The following CABLES1 variants were observed in gnomAD, a reference collection of about 807,000 sequenced individuals.
The protein encoded by CABLES1 is Cdk5 and Abl enzyme substrate 1.
CABLES1 carries 36 observed loss-of-function variants against 57.8 expected under a neutral mutation model. The observed-to-expected ratio is 0.62, with a 90% CI of 0.48 to 0.82. The LOEUF (loss-of-function observed/expected upper bound fraction) is 0.82. Among genes scored for constraint, CABLES1 ranks in the 40% least tolerant of loss-of-function variants. The probability of loss-of-function intolerance (pLI) is 0.00; values close to 1 mark genes in which losing one functional copy is unlikely to be tolerated. For synonymous variants in CABLES1, 374 were observed against 363.0 expected, an observed-to-expected ratio of 1.03 and a Z score of -0.35; for missense variants, 767 against 836.6, an observed-to-expected ratio of 0.92 and a Z score of 1.03.
chr18:23,199,929 G>A (rs144396535), intron 3 of CABLES1, among the ~76,000 whole-genome samples: 125 of 152,262 alleles, frequency 8.2e-4, no homozygotes, highest in African/African-American at 2.9e-3. Context: ...AAGCAGAAGG[G>A]AAAGGATGGC....
At chr18:23,220,877 G>T (rs1055613342) in intron 4 of CABLES1, among the ~76,000 whole-genome samples, 1 of 152,138 alleles carries the variant, frequency 6.6e-6, no homozygotes, top group Admixed American at 6.5e-5. Context: ...GATATTTGTC[G>T]TCTTTAGAAT....
chr18:23,194,515 C>T lies in CABLES1; in HGVS notation c.985C>T (p.Arg329Trp), dbSNP rs746579340. Reference sequence around the variant, plus strand: ...GAAGATTCATTTTATCAAGAACATGCGGCAACACGATACCAGGAATGGCAG... The same window carrying T: ...GAAGATTCATTTTATCAAGAACATGTGGCAACACGATACCAGGAATGGCAG... ...FKKIHFIKNMRQHDTRNGRIV... is the reference protein window; with the variant it reads ...FKKIHFIKNMWQHDTRNGRIV... Residue 329 changes from arginine (R) to tryptophan (W), a missense_variant, in exon 3 of 10, where the codon CGG becomes TGG. By Grantham distance (101) the Arg-to-Trp change is moderately radical. This residue lies in a region of CABLES1 where 529 missense variants were observed against 622.8 expected (regional missense o/e 0.85). Coordinates refer to ENST00000256925, the MANE Select transcript of CABLES1 (RefSeq NM_001100619.3). 135 of 1,611,836 alleles carry T rather than the reference C, an allele frequency of 8.4e-5. No individual in the cohort carries two copies. Among genetic ancestry groups the T allele is most frequent in the Non-Finnish European group, 1.1e-4 (125 of 1,177,944 alleles).
At chr18:23,240,610 T>C (rs1243130491) in intron 7 of CABLES1, among the ~76,000 whole-genome samples, 1 of 152,216 alleles carries the variant, frequency 6.6e-6, no homozygotes, top group African/African-American at 2.4e-5. Flanking sequence ...GCTCAGTGAT[T>C]GGGGAAGGAG....
At chr18:23,192,799 T>G (rs2047254347) in intron 2 of CABLES1, among the ~76,000 whole-genome samples, 1 of 152,152 alleles carries the variant, frequency 6.6e-6, no homozygotes, top group African/African-American at 2.4e-5. Context: ...GAGCAGTCAT[T>G]CTGGAGGAAG....
intron 1 of CABLES1, among the ~76,000 whole-genome samples, chr18:23,138,647 C>G (rs917285559): frequency 4.6e-5 from 7 of 152,174 alleles, no homozygotes; most frequent in African/African-American, 1.7e-4. Flanking sequence ...AGAGTACTTG[C>G]ACCTGCCTAG....
chr18:23,196,216 G>C (rs918389815), intron 3 of CABLES1, among the ~76,000 whole-genome samples: 2 of 152,220 alleles, frequency 1.3e-5, no homozygotes, highest in Non-Finnish European at 2.9e-5. Flanking sequence ...GGAGTTTTCA[G>C]GGGGAGCCAA....
At chr18:23,173,504 CAGG>C (rs1430339024) in intron 1 of CABLES1, among the ~76,000 whole-genome samples, 1 of 152,210 alleles carries the variant, frequency 6.6e-6, no homozygotes, top group Non-Finnish European at 1.5e-5. Context: ...AAGGGCTTAG[CAGG>C]TCTAAAAACA....
At chr18:23,218,141 G>T (rs546276439) in intron 4 of CABLES1, among the ~76,000 whole-genome samples, 9 of 152,318 alleles carry the variant, frequency 5.9e-5, no homozygotes, top group African/African-American at 1.9e-4. Flanking sequence ...CTCGTAGTTC[G>T]TCTGCTGGGT....
Position 23,234,613 on chromosome 18 carries a change from T to G in CABLES1, c.1094T>G (p.Leu365Trp). The G allele has an allele frequency of 3.1e-6, 5 of 1,613,508 alleles. No homozygotes were observed. Among genetic ancestry groups the G allele is most frequent in the Non-Finnish European group, 4.2e-6 (5 of 1,179,464 alleles). Reference sequence around the variant, plus strand: ...CCTCTGACTTGTCCTCCCAGGGACTTGAAGTTGGACGGAGGAAGACAATCA... The same window carrying G: ...CCTCTGACTTGTCCTCCCAGGGACTGGAAGTTGGACGGAGGAAGACAATCA... ...PYRDSTQVGD[L>W]KLDGGRQSTG... Residue 365 changes from leucine to tryptophan, a missense_variant, in exon 5 of 10, where the codon TTG becomes TGG. Leu to Trp is a moderately conservative substitution (Grantham distance 61). Transcript: ENST00000256925.
Position 23,230,100 on chromosome 18 carries a change from G to A in CABLES1, c.1089-4508G>A, listed in dbSNP as rs11874312. Among the ~76,000 whole-genome samples, 481 of 152,308 alleles carry A rather than the reference G, an allele frequency of 3.2e-3. 2 individuals carry two copies. Among genetic ancestry groups the A allele is most frequent in the African/African-American group, 0.011 (461 of 41,566 alleles). On this transcript the variant is annotated intron_variant, in intron 4 of 9. Transcript: ENST00000256925. ...TAAAAAGCTATGAGAAGGGCCAGGC[G>A]CGGTGGCTCACACCTGTAATCCCAG...
intron 9 of CABLES1, among the ~76,000 whole-genome samples, chr18:23,254,376 A>G (rs1396180287): frequency 1.3e-5 from 2 of 152,202 alleles, no homozygotes; most frequent in Non-Finnish European, 2.9e-5. Flanking sequence ...CTTTTCTTTA[A>G]AAGGAGAGCC....
chr18:23,250,671 T>C (rs1428695528), intron 7 of CABLES1, among the ~76,000 whole-genome samples: 1 of 152,174 alleles, frequency 6.6e-6, no homozygotes, highest in Admixed American at 6.5e-5. Context: ...GCCCCTTTCC[T>C]GGTCCTTGCA....
intron 4 of CABLES1, among the ~76,000 whole-genome samples, chr18:23,220,825 G>A (rs1450312932): frequency 6.6e-6 from 1 of 152,206 alleles, no homozygotes; most frequent in African/African-American, 2.4e-5. Context: ...ATCTCTGGGT[G>A]GAGTCTTAAG....
At chr18:23,168,265 C>T (rs117200063) in intron 1 of CABLES1, among the ~76,000 whole-genome samples, 6,032 of 152,294 alleles carry the variant, frequency 0.04, 174 homozygotes, top group Non-Finnish European at 0.053. Context: ...ACACCCTTAA[C>T]GGAGTATGAT....
intron 1 of CABLES1, among the ~76,000 whole-genome samples, chr18:23,170,850 G>A (rs1185919007): frequency 6.6e-6 from 1 of 152,176 alleles, no homozygotes; most frequent in East Asian, 1.9e-4. Flanking sequence ...AGGCTGGAGT[G>A]CAGTAGTGCA....
rs552922664 is a variant in CABLES1 at position 23,170,212 on chromosome 18, T to A, written c.846-18626T>A. Among the ~76,000 whole-genome samples the A allele has an allele frequency of 2.0e-5, 3 of 152,302 alleles. No homozygotes were observed. In the East Asian group the frequency reaches 5.8e-4, roughly 29 times the overall value. On this transcript the variant is annotated intron_variant, in intron 1 of 9. Coordinates refer to ENST00000256925, the MANE Select transcript of CABLES1 (RefSeq NM_001100619.3). ...GCATAGTACTCATGTACAAGGGTGT[T>A]GTGAGAATGCCAAGATGTTTGTAAA...
At chr18:23,172,527 T>C (rs1190445348) in intron 1 of CABLES1, among the ~76,000 whole-genome samples, 1 of 152,236 alleles carries the variant, frequency 6.6e-6, no homozygotes, top group Non-Finnish European at 1.5e-5. Context: ...GCATTTATTT[T>C]ACCCAGTCAC....
chr18:23,143,366 T>C (rs929409080), intron 1 of CABLES1, among the ~76,000 whole-genome samples: 7 of 152,238 alleles, frequency 4.6e-5, no homozygotes, highest in African/African-American at 1.7e-4. Context: ...TCTTGTGTTA[T>C]ATAGAGCATG....
chr18:23,184,561 G>A (rs1323543792), intron 1 of CABLES1, among the ~76,000 whole-genome samples: 1 of 152,006 alleles, frequency 6.6e-6, no homozygotes, highest in Non-Finnish European at 1.5e-5. Context: ...AAATTAGCTG[G>A]GTGTGGTCGC....
Sources: gnomAD v4.1 joint callset for allele counts (sites outside exome capture counted in the v4.1 genomes callset) on GRCh38, gnomAD v4.1.1 for gene constraint, gnomAD v4.1.1 regional missense constraint, MANE v1.5 for transcripts, NCBI Gene and HGNC (gene_info 2026-07-23, HGNC 2026-07-21) for gene names.